Variants in MTHFS observed in about 807,000 individuals in gnomAD.
MTHFS encodes methenyltetrahydrofolate synthetase.
A neutral mutation model predicts 12.7 loss-of-function variants in MTHFS; 7 were observed. That is an observed-to-expected ratio of 0.55 (90% confidence interval 0.31 to 1.03). The LOEUF (loss-of-function observed/expected upper bound fraction) is 1.03, where lower values mean the gene tolerates loss of function less well. Among genes scored for constraint, MTHFS ranks in the 50% least tolerant of loss-of-function variants. MTHFS has a pLI of 0.05. For synonymous variants in MTHFS, 100 were observed against 97.1 expected, an observed-to-expected ratio of 1.03 and a Z score of -0.18; for missense variants, 252 against 258.1, an observed-to-expected ratio of 0.98 and a Z score of 0.16.
chr15:79,845,127 C>G lies in MTHFS; in HGVS notation c.*83G>C. 2 of 1,533,578 alleles carry G rather than the reference C, an allele frequency of 1.3e-6. No homozygotes were observed. The highest frequency in any genetic ancestry group is 1.8e-6 in the Non-Finnish European group (2 of 1,133,030). 95.0% of individuals were successfully genotyped at this position (1,533,578 alleles called of 1,614,324 possible). A position where few individuals can be genotyped will look rare whatever the true frequency, so the allele number is the denominator to read the frequency against. The stretch of plus-strand genomic sequence containing the variant: ...TATTCACATTAATGAACAATTTCAA[C>G]TAATTTTTGACAAGGGAAAAATACA... On this transcript the variant is annotated 3_prime_UTR_variant, in exon 3 of 3. Transcript: ENST00000258874.
At chr15:79,887,919 T>G (rs1396671456) in intron 2 of MTHFS, among the ~76,000 whole-genome samples, 48 of 152,210 alleles carry the variant, frequency 3.2e-4, no homozygotes, top group Non-Finnish European at 4.4e-5. Context: ...CCCTCTACTG[T>G]TACGAGTCCT....
chr15:79,896,816 C>A (rs994448904), intron 1 of MTHFS, 56 bp downstream of exon 1: 2 of 1,535,986 alleles, frequency 1.3e-6, no homozygotes, highest in South Asian at 2.4e-5. Context: ...AATCGCTGGC[C>A]GCCAGGCCTT....
chr15:79,864,442 G>A (rs1479323733), intron 2 of MTHFS, among the ~76,000 whole-genome samples: 13 of 150,958 alleles, frequency 8.6e-5, no homozygotes, highest in Admixed American at 8.0e-4. Flanking sequence ...CTACTCAGGA[G>A]GCTGAGGCAG....
intron 2 of MTHFS, among the ~76,000 whole-genome samples, chr15:79,880,754 T>C (rs866581674): frequency 1.3e-5 from 2 of 150,280 alleles, no homozygotes; most frequent in Admixed American, 6.6e-5. Flanking sequence ...GGGTTCTCTA[T>C]TAAATAGTGG....
At position 79,890,374 on chromosome 15, in the gene MTHFS, C is replaced by A. The variant is rs575003438; in HGVS notation, c.118-1020G>T. 2.0e-5 allele frequency among the ~76,000 whole-genome samples: 3 copies of A among 152,052 alleles called. No individual in the cohort carries two copies. The East Asian group carries it at 5.8e-4, about 29-fold the overall frequency. ...TCCAGAGTAGCTGGGACCACAGGTG[C>A]AAACCACCATGTCCGGCTGATTTTT... On this transcript the variant is annotated intron_variant, in intron 1 of 2. Coordinates refer to ENST00000258874, the MANE Select transcript of MTHFS (RefSeq NM_006441.4).
rs2034034065 is a variant in MTHFS, at chr15:79,867,555, CA to C, written c.379+21537del. 3.4e-5 allele frequency among the ~76,000 whole-genome samples: 5 copies of C among 148,948 alleles called. No homozygotes were observed. The South Asian group carries it at 1.1e-3, about 31-fold the overall frequency. On this transcript the variant is annotated intron_variant, in intron 2 of 2. Transcript: ENST00000258874. The stretch of plus-strand genomic sequence containing the variant: ...TAACTATCAAATTCTGAAATATTTC[CA>C]AACATTTTTAAACGTAGATAAATGA...
At chr15:79,861,887 A>G (rs62027988) in intron 2 of MTHFS, among the ~76,000 whole-genome samples, 5 of 152,242 alleles carry the variant, frequency 3.3e-5, no homozygotes, top group Non-Finnish European at 7.3e-5. Flanking sequence ...ATACAAATAT[A>G]TATATCTAGA....
chr15:79,870,099 A>G (rs2141359022), intron 2 of MTHFS, among the ~76,000 whole-genome samples: 1 of 152,374 alleles, frequency 6.6e-6, no homozygotes, highest in South Asian at 2.1e-4. Context: ...AATCAAAAAT[A>G]ACAAAAATTC....
chr15:79,881,759 A>C (rs1278274571), intron 2 of MTHFS, among the ~76,000 whole-genome samples: 1 of 152,206 alleles, frequency 6.6e-6, no homozygotes, highest in Non-Finnish European at 1.5e-5. Context: ...TAGGTAGTAA[A>C]GCAATATTAA....
At chr15:79,896,726 G>GC in intron 1 of MTHFS, 146 bp downstream of exon 1, 2 of 883,872 alleles carry the variant, frequency 2.3e-6, no homozygotes, top group Non-Finnish European at 2.9e-6. Context: ...GCGTGCGCGC[G>GC]CCGGGAGGGG....
intron 2 of MTHFS, among the ~76,000 whole-genome samples, chr15:79,887,576 G>A (rs2034403562): frequency 6.6e-6 from 1 of 152,198 alleles, no homozygotes. Context: ...CTGGAATTGG[G>A]ACAGTATCCT....
chr15:79,875,823 CTTA>C (rs755540043), intron 2 of MTHFS: 82 of 152,164 alleles, frequency 5.4e-4, no homozygotes, highest in Middle Eastern at 3.4e-3. Context: ...TGACAAGGAA[CTTA>C]TTATCCAGAA....
intron 2 of MTHFS, among the ~76,000 whole-genome samples, chr15:79,849,634 G>A (rs568758102): frequency 1.8e-4 from 27 of 152,312 alleles, no homozygotes; most frequent in African/African-American, 6.5e-4. Flanking sequence ...TATGCCTCTG[G>A]CATTGCTCTG....
At chr15:79,857,399 G>A (rs1294197839) in intron 2 of MTHFS, among the ~76,000 whole-genome samples, 1 of 152,092 alleles carries the variant, frequency 6.6e-6, no homozygotes, top group Non-Finnish European at 1.5e-5. Context: ...TTACTGAACT[G>A]TTAAATGAGC....
chr15:79,871,066 C>G (rs1015259628), intron 2 of MTHFS, among the ~76,000 whole-genome samples: 1 of 152,072 alleles, frequency 6.6e-6, no homozygotes, highest in South Asian at 2.1e-4. Context: ...TTACTTGAAC[C>G]TGGGAGGTGG....
intron 2 of MTHFS, among the ~76,000 whole-genome samples, chr15:79,884,991 A>G (rs1430133437): frequency 6.6e-6 from 1 of 152,236 alleles, no homozygotes; most frequent in Non-Finnish European, 1.5e-5. Context: ...AAGTATTATG[A>G]GCCAATCCAA....
chr15:79,884,424 T>C (rs2034348134), intron 2 of MTHFS, among the ~76,000 whole-genome samples: 1 of 152,178 alleles, frequency 6.6e-6, no homozygotes, highest in Non-Finnish European at 1.5e-5. Context: ...GGTACACAGA[T>C]CTATTCAGCG....
chr15:79,881,774 T>C (rs1305093814), intron 2 of MTHFS, among the ~76,000 whole-genome samples: 2 of 152,184 alleles, frequency 1.3e-5, no homozygotes, highest in Admixed American at 6.5e-5. Context: ...TATTAATGAA[T>C]GAAGTGTGAA....
At chr15:79,850,626 G>A (rs181872756) in intron 2 of MTHFS, among the ~76,000 whole-genome samples, 58 of 152,332 alleles carry the variant, frequency 3.8e-4, no homozygotes, top group Admixed American at 1.0e-3. Flanking sequence ...GTTTCAGGGA[G>A]AGAGAAGTAG....
Sources: gnomAD v4.1 joint callset for allele counts (sites outside exome capture counted in the v4.1 genomes callset) on GRCh38, gnomAD v4.1.1 for gene constraint, MANE v1.5 for transcripts, NCBI Gene and HGNC (gene_info 2026-07-23, HGNC 2026-07-21) for gene names.